Variants in ANKRD44 observed in about 807,000 individuals in gnomAD.
ANKRD44 encodes the protein serine/threonine-protein phosphatase 6 regulatory ankyrin repeat subunit B.
Under a neutral mutation model 116.0 loss-of-function variants are expected in ANKRD44, and 35 were observed. The observed-to-expected ratio is 0.30, with a 90% CI of 0.23 to 0.40. The LOEUF is 0.40. Ranked by LOEUF, ANKRD44 falls within the 10% of genes least tolerant of loss-of-function variation. ANKRD44 has a pLI of 1.00. For synonymous variants in ANKRD44, 435 were observed against 461.8 expected (o/e 0.94, Z 0.74); for missense variants, 1,014 against 1,242.6 (o/e 0.82, Z 2.77).
In ANKRD44 at chr2:197,310,569, G is replaced by GCCC; in HGVS notation, c.27+6_27+8dup. On this transcript the variant is annotated intron_variant, in intron 1 of 27. Coordinates refer to ENST00000282272, the MANE Select transcript of ANKRD44 (RefSeq NM_001195144.2). ...GCGCGTCCCGCCCGCCGGCGCCGCC[G>GCCC]CCCGCTACCTGGTCGGTGAGTTTGA... 3 of 1,201,950 alleles carry GCCC rather than the reference G, an allele frequency of 2.5e-6. No homozygotes were observed. The highest frequency in any genetic ancestry group is 3.2e-6 in the Non-Finnish European group (3 of 946,732). The allele number at this position is 1,201,950 out of a possible 1,614,324, so 74.5% of individuals were successfully genotyped here.
intron 21 of ANKRD44, among the ~76,000 whole-genome samples, chr2:196,979,546 T>A (rs1361840292): frequency 1.4e-5 from 2 of 139,966 alleles, no homozygotes; most frequent in South Asian, 2.4e-4. Flanking sequence ...AGTAATTTAA[T>A]AAGATGACTT....
At chr2:197,285,590 T>C (rs1419692597) in intron 1 of ANKRD44, among the ~76,000 whole-genome samples, 1 of 152,202 alleles carries the variant, frequency 6.6e-6, no homozygotes, top group Non-Finnish European at 1.5e-5. Flanking sequence ...TTTGTGGCTT[T>C]ATGACTTACT....
intron 12 of ANKRD44, among the ~76,000 whole-genome samples, chr2:197,087,877 T>C (rs950764379): frequency 3.3e-5 from 5 of 152,092 alleles, no homozygotes; most frequent in African/African-American, 1.2e-4. Flanking sequence ...AATACAAAAT[T>C]ATGAATACAA....
intron 1 of ANKRD44, among the ~76,000 whole-genome samples, chr2:197,286,670 C>T (rs1395484047): frequency 6.6e-6 from 1 of 151,982 alleles, no homozygotes; most frequent in Non-Finnish European, 1.5e-5. Flanking sequence ...CTTTACTTCT[C>T]CCAGGAATAT....
intron 1 of ANKRD44, among the ~76,000 whole-genome samples, chr2:197,266,095 G>A (rs772759703): frequency 9.9e-5 from 15 of 152,050 alleles, no homozygotes; most frequent in Non-Finnish European, 1.6e-4. Context: ...TTGTGCTTTC[G>A]TGGGAAAATG....
chr2:197,256,881 C>T (rs2082462264), intron 1 of ANKRD44, among the ~76,000 whole-genome samples: 1 of 152,142 alleles, frequency 6.6e-6, no homozygotes, highest in Non-Finnish European at 1.5e-5. Context: ...TGTAAGGGGG[C>T]TTCAGCCTTC....
chr2:197,251,809 T>A lies in ANKRD44; in HGVS notation c.27+58769A>T, dbSNP rs142852009. Among the ~76,000 whole-genome samples the A allele has an allele frequency of 2.8e-4, 43 of 152,366 alleles. 1 individual carries two copies. Among genetic ancestry groups the A allele is most frequent in the African/African-American group, 9.4e-4 (39 of 41,586 alleles). On this transcript the variant is annotated intron_variant, in intron 1 of 27. Transcript: ENST00000282272. The stretch of plus-strand genomic sequence containing the variant: ...TGGGCGGACCCAAATTCCAGCTTGT[T>A]TCCTCAACCTCCTAAATTTCAACAA...
intron 17 of ANKRD44, among the ~76,000 whole-genome samples, chr2:197,021,400 A>G (rs928580760): frequency 7.9e-5 from 12 of 152,232 alleles, no homozygotes; most frequent in Admixed American, 1.3e-4. Context: ...TGGTTGAACT[A>G]GTTTACACTC....
rs139798224 is a variant in ANKRD44 at position 197,097,115 on chromosome 2, T to C, written c.1100+2701A>G. ...TTTTGCTACATGGTCTGTGTTTCCA[T>C]AAATTGAAAGCAAAATAATTACATG... On this transcript the variant is annotated intron_variant, in intron 10 of 27. Transcript: ENST00000282272. Among the ~76,000 whole-genome samples the C allele has an allele frequency of 2.6e-3, 399 of 152,296 alleles. 1 individual carries two copies. Among genetic ancestry groups the C allele is most frequent in the African/African-American group, 9.0e-3 (375 of 41,572 alleles).
chr2:197,223,793 A>T (rs1337832599), intron 1 of ANKRD44, among the ~76,000 whole-genome samples: 1 of 152,164 alleles, frequency 6.6e-6, no homozygotes, highest in Admixed American at 6.5e-5. Context: ...TATCTTCACT[A>T]CATTTGTCAC....
intron 1 of ANKRD44, among the ~76,000 whole-genome samples, chr2:197,303,455 C>G (rs768980576): frequency 1.1e-4 from 16 of 152,048 alleles, no homozygotes; most frequent in Non-Finnish European, 2.2e-4. Flanking sequence ...CAAACTAAAG[C>G]AAAACAAAAT....
At chr2:197,049,490 C>A (rs1452189029) in intron 16 of ANKRD44, among the ~76,000 whole-genome samples, 1 of 152,126 alleles carries the variant, frequency 6.6e-6, no homozygotes, top group Non-Finnish European at 1.5e-5. Context: ...TCCAATAACA[C>A]CTACACAATC....
chr2:197,147,206 T>C (rs189571781), intron 2 of ANKRD44, 101 bp from the exon 3 acceptor site: 22 of 884,374 alleles, frequency 2.5e-5, no homozygotes, highest in Middle Eastern at 2.2e-4. Flanking sequence ...GGTTAATGCA[T>C]GTGGAAGAGT....
At chr2:197,171,288 G>A (rs1005209687) in intron 2 of ANKRD44, among the ~76,000 whole-genome samples, 1 of 152,188 alleles carries the variant, frequency 6.6e-6, no homozygotes. Context: ...ATTTGAAACT[G>A]CAGGATCTAA....
chr2:197,241,071 G>T (rs2082080748), intron 1 of ANKRD44, among the ~76,000 whole-genome samples: 1 of 151,962 alleles, frequency 6.6e-6, no homozygotes, highest in African/African-American at 2.4e-5. Context: ...CCTTTCCAGG[G>T]CACATCTTCT....
At position 197,178,484 on chromosome 2, in the gene ANKRD44, T is replaced by A. The variant is rs550702242; in HGVS notation, c.111+8539A>T. ...AAACCCTGTCTCTAAAAAAAAAAAATTTTAACTAAAAAAAAAGAATGACAG... is the reference window on the plus strand; with the variant it reads ...AAACCCTGTCTCTAAAAAAAAAAAAATTTAACTAAAAAAAAAGAATGACAG... On this transcript the variant is annotated intron_variant, in intron 2 of 27. Coordinates refer to ENST00000282272, the MANE Select transcript of ANKRD44 (RefSeq NM_001195144.2). 1.5e-4 allele frequency among the ~76,000 whole-genome samples: 22 copies of A among 150,892 alleles called. 1 individual carries two copies. The South Asian group carries it at 2.3e-3, about 16-fold the overall frequency.
intron 16 of ANKRD44, among the ~76,000 whole-genome samples, chr2:197,073,742 C>T (rs980921251): frequency 6.6e-6 from 1 of 152,164 alleles, no homozygotes; most frequent in African/African-American, 2.4e-5. Context: ...CCAAAGAAGC[C>T]TTCTCTCTAA....
intron 1 of ANKRD44, among the ~76,000 whole-genome samples, chr2:197,288,911 G>A (rs2083481695): frequency 6.6e-6 from 1 of 152,126 alleles, no homozygotes; most frequent in Non-Finnish European, 1.5e-5. Context: ...TAAGTGGGTG[G>A]GAGGAGGATA....
chr2:197,220,921 T>A (rs2081570950), intron 1 of ANKRD44, among the ~76,000 whole-genome samples: 1 of 152,146 alleles, frequency 6.6e-6, no homozygotes, highest in Admixed American at 6.5e-5. Context: ...GAGAACATAC[T>A]CTCCTAAGTT....
Sources: gnomAD v4.1 joint callset for allele counts (sites outside exome capture counted in the v4.1 genomes callset) on GRCh38, gnomAD v4.1.1 for gene constraint, MANE v1.5 for transcripts, NCBI Gene and HGNC (gene_info 2026-07-23, HGNC 2026-07-21) for gene names.